Variants in HS6ST2 observed in about 807,000 individuals in gnomAD.
The protein encoded by HS6ST2 is heparan sulfate 6-O-sulfotransferase 2, also known as heparan-sulfate 6-O-sulfotransferase 2.
HS6ST2 carries 17 observed loss-of-function variants against 33.0 expected under a neutral mutation model. That is an observed-to-expected ratio of 0.52 (90% CI 0.35 to 0.77). The LOEUF (loss-of-function observed/expected upper bound fraction) is 0.77, where lower values mean the gene tolerates loss of function less well. Among genes scored for constraint, HS6ST2 ranks in the 30% least tolerant of loss-of-function variants. The pLI, the probability that HS6ST2 is intolerant of heterozygous loss-of-function variation, is 0.01. For missense variants in HS6ST2, 519 were observed against 551.7 expected, an observed-to-expected ratio of 0.94 and a Z score of 0.59; for synonymous variants, 248 against 237.1, an observed-to-expected ratio of 1.05 and a Z score of -0.42.
intron 3 of HS6ST2, among the ~76,000 whole-genome samples, chrX:132,704,178 T>C (rs1235267652): frequency 1.8e-5 from 2 of 112,447 alleles, no homozygotes; most frequent in Non-Finnish European, 3.8e-5. Flanking sequence ...ATCATTCAAG[T>C]TCAGTACATC....
chrX:132,634,431 CA>C (rs2063539744), intron 4 of HS6ST2, among the ~76,000 whole-genome samples: 1 of 112,138 alleles, frequency 8.9e-6, no homozygotes, highest in South Asian at 3.7e-4. Flanking sequence ...ATTAAAATGA[CA>C]AGGTGTCACA....
chrX:132,643,668 T>C (rs1472159925), intron 4 of HS6ST2, among the ~76,000 whole-genome samples: 3 of 111,530 alleles, frequency 2.7e-5, no homozygotes, highest in Middle Eastern at 4.2e-3. Flanking sequence ...CTTGTTCACT[T>C]TCCTGAATAT....
chrX:132,673,542 T>C (rs1209117124), intron 3 of HS6ST2, among the ~76,000 whole-genome samples: 1 of 112,474 alleles, frequency 8.9e-6, no homozygotes, highest in Non-Finnish European at 1.9e-5. Context: ...ATTTGTATAG[T>C]CCTTAATGTT....
intron 2 of HS6ST2, among the ~76,000 whole-genome samples, chrX:132,721,170 T>C (rs1047972548): frequency 6.2e-5 from 7 of 112,259 alleles, no homozygotes; most frequent in African/African-American, 1.9e-4. Flanking sequence ...GGATAGACCA[T>C]ATGTTAGGTC....
At chrX:132,696,147 G>A (rs577087156) in intron 3 of HS6ST2, among the ~76,000 whole-genome samples, 14 of 111,822 alleles carry the variant, frequency 1.3e-4, no homozygotes, top group South Asian at 3.8e-4. Flanking sequence ...GCGATGAGAC[G>A]ATTTTGTGGA....
At chrX:132,892,486 T>A (rs973692856) in intron 2 of HS6ST2, among the ~76,000 whole-genome samples, 4 of 111,991 alleles carry the variant, frequency 3.6e-5, no homozygotes, top group African/African-American at 1.3e-4. Context: ...AGACCCCCTG[T>A]GGTACCAAAA....
At chrX:132,847,989 C>T (rs2065768208) in intron 2 of HS6ST2, among the ~76,000 whole-genome samples, 1 of 112,230 alleles carries the variant, frequency 8.9e-6, no homozygotes. Flanking sequence ...CATGCATAGG[C>T]AAGGATAACG....
At chrX:132,691,418 CATT>C (rs750919735) in intron 3 of HS6ST2, among the ~76,000 whole-genome samples, 1 of 111,858 alleles carries the variant, frequency 8.9e-6, no homozygotes, top group South Asian at 3.8e-4. Flanking sequence ...TGTCCCTAGG[CATT>C]ATAGGAGCAA....
chrX:132,834,950 A>G (rs895350913), intron 2 of HS6ST2, among the ~76,000 whole-genome samples: 8 of 112,332 alleles, frequency 7.1e-5, no homozygotes, highest in African/African-American at 2.6e-4. Flanking sequence ...TCAGCTTTTA[A>G]TAACCCAAGT....
upstream of HS6ST2, among the ~76,000 whole-genome samples, chrX:132,959,730 G>C (rs2067128917): frequency 8.9e-6 from 1 of 112,337 alleles, no homozygotes; most frequent in Non-Finnish European, 1.9e-5. Context: ...CAGTTTTCTT[G>C]TCTGTAAGAT....
At position 132,957,244 on chromosome X, in the gene HS6ST2, A is replaced by C; in HGVS notation, c.511T>G (p.Tyr171Asp). Residue 171 changes from tyrosine to aspartate, a missense_variant, in exon 2 of 5, where the codon TAC (tyrosine) becomes GAC (aspartate). Tyr to Asp is a radical substitution (Grantham distance 160). Coordinates refer to ENST00000370833, the MANE Select transcript of HS6ST2 (RefSeq NM_001394073.1). ...TGGCATTCTGTGCCGGGGCACACGT[A>C]TTGGAGGACGATCACGGCAAATAGG... is the stretch of plus-strand genomic sequence containing the variant. Reference protein sequence around the residue: ...LFLFAVIVLQYVCPGTECQLL... With the variant: ...LFLFAVIVLQDVCPGTECQLL... The C allele has an allele frequency of 3.3e-6, 4 of 1,198,552 alleles. No homozygotes were observed. The highest frequency in any genetic ancestry group is 4.5e-6 in the Non-Finnish European group (4 of 888,394).
At chrX:132,891,796 T>G (rs1165375971) in intron 2 of HS6ST2, among the ~76,000 whole-genome samples, 6 of 112,001 alleles carry the variant, frequency 5.4e-5, no homozygotes, top group Non-Finnish European at 1.1e-4. Flanking sequence ...TGTTGGACAT[T>G]TGGGTTGGTT....
intron 2 of HS6ST2, among the ~76,000 whole-genome samples, chrX:132,881,837 A>G (rs1473843847): frequency 8.9e-6 from 1 of 111,873 alleles, no homozygotes; most frequent in African/African-American, 3.3e-5. Flanking sequence ...TCAGCTTTCT[A>G]CATATGGCTA....
chrX:132,787,195 A>T (rs1264570913), intron 2 of HS6ST2, among the ~76,000 whole-genome samples: 2 of 83,678 alleles, frequency 2.4e-5, no homozygotes, highest in Non-Finnish European at 4.3e-5. Flanking sequence ...ATACATATAT[A>T]TATACACATA....
At chrX:132,719,656 C>T (rs1041830206) in intron 2 of HS6ST2, among the ~76,000 whole-genome samples, 1 of 112,034 alleles carries the variant, frequency 8.9e-6, no homozygotes, top group Non-Finnish European at 1.9e-5. Context: ...TTCTCTGTGG[C>T]TATCTCCCAA....
intron 2 of HS6ST2, among the ~76,000 whole-genome samples, chrX:132,848,465 C>T (rs1413649471): frequency 8.9e-6 from 1 of 112,334 alleles, no homozygotes; most frequent in Non-Finnish European, 1.9e-5. Flanking sequence ...TCTAGAATTC[C>T]TGGCCCTCTT....
chrX:132,898,867 G>A (rs150777249), intron 2 of HS6ST2, among the ~76,000 whole-genome samples: 2,066 of 110,666 alleles, frequency 0.019, 46 homozygotes, highest in African/African-American at 0.064. Flanking sequence ...AGTACTGATT[G>A]GCATACGTAT....
intron 2 of HS6ST2, among the ~76,000 whole-genome samples, chrX:132,861,126 A>G (rs1485022923): frequency 9.0e-6 from 1 of 111,124 alleles, no homozygotes; most frequent in African/African-American, 3.3e-5. Flanking sequence ...GAAATTTTAG[A>G]CAAGATACAA....
intron 2 of HS6ST2, among the ~76,000 whole-genome samples, chrX:132,864,435 A>G (rs1486405776): frequency 9.3e-6 from 1 of 108,003 alleles, no homozygotes; most frequent in Non-Finnish European, 1.9e-5. Context: ...AAAACACAGC[A>G]TGAGAACTTC....
Sources: allele counts gnomAD v4.1 joint callset (sites outside exome capture counted in the v4.1 genomes callset), GRCh38; gene constraint gnomAD v4.1.1; transcripts MANE v1.5; gene names NCBI Gene and HGNC (gene_info 2026-07-23, HGNC 2026-07-21).